The following TAF3 variants were observed in gnomAD, a reference collection of about 807,000 sequenced individuals.
TAF3 encodes TATA-box binding protein associated factor 3.
In TAF3, 7 loss-of-function variants were observed where a neutral mutation model predicts 80.6. The ratio of observed to expected loss-of-function variants is 0.09; its 90% CI spans 0.05 to 0.16. TAF3 has a LOEUF of 0.16. TAF3 is among the 10% of genes least tolerant of loss of function. The pLI is 1.00. For synonymous variants in TAF3, 444 were observed against 446.1 expected, an observed-to-expected ratio of 1.00 and a Z score of 0.06; for missense variants, 921 against 1,140.2, an observed-to-expected ratio of 0.81 and a Z score of 2.77.
At chr10:7,858,846 CTGAA>C (rs34852266) in intron 2 of TAF3, among the ~76,000 whole-genome samples, 7,380 of 152,066 alleles carry the variant, frequency 0.049, 294 homozygotes, top group Admixed American at 0.11. Flanking sequence ...CTGCATGTCA[CTGAA>C]TGTACGTGTG....
rs74678290 is a variant in TAF3, at chr10:7,877,924, A to G, written c.409+53364A>G. Among the ~76,000 whole-genome samples, 1,042 of 152,318 alleles carry G rather than the reference A, an allele frequency of 6.8e-3. 11 individuals carry two copies. The highest frequency in any genetic ancestry group is 0.022 in the African/African-American group (929 of 41,558). ...TTTCTATACTGTAACGGCAATTCAGATCTCAAATACATTGGAGCTAATGTT... is the reference window on the plus strand; with the variant it reads ...TTTCTATACTGTAACGGCAATTCAGGTCTCAAATACATTGGAGCTAATGTT... On this transcript the variant is annotated intron_variant, in intron 2 of 6. Coordinates refer to ENST00000344293, the MANE Select transcript of TAF3 (RefSeq NM_031923.4).
intron 2 of TAF3, among the ~76,000 whole-genome samples, chr10:7,844,378 C>CTTT (rs370650612): frequency 1.5e-3 from 205 of 134,274 alleles, no homozygotes; most frequent in African/African-American, 2.7e-3. Flanking sequence ...TCTTCTTGTT[C>CTTT]TTTTTTTTTT....
At chr10:8,002,482 A>G (rs1831953786) in intron 4 of TAF3, among the ~76,000 whole-genome samples, 1 of 152,206 alleles carries the variant, frequency 6.6e-6, no homozygotes, top group South Asian at 2.1e-4. Flanking sequence ...TTTAATAACC[A>G]TCATGTTAAA....
chr10:7,871,819 A>G (rs1837269587), intron 2 of TAF3, among the ~76,000 whole-genome samples: 1 of 152,186 alleles, frequency 6.6e-6, no homozygotes, highest in Admixed American at 6.6e-5. Context: ...AATGAATTAG[A>G]TTTTAATTTC....
At chr10:8,013,049 A>T (rs924832675) in intron 5 of TAF3, among the ~76,000 whole-genome samples, 1 of 152,210 alleles carries the variant, frequency 6.6e-6, no homozygotes, top group Non-Finnish European at 1.5e-5. Flanking sequence ...AAATAAAGTC[A>T]ACTCTAGAGT....
chr10:7,874,409 CT>C (rs1564353660), intron 2 of TAF3, among the ~76,000 whole-genome samples: 1 of 152,038 alleles, frequency 6.6e-6, no homozygotes, highest in African/African-American at 2.4e-5. Flanking sequence ...TATCTTACCC[CT>C]GGGCTTTCCT....
At chr10:8,000,838 T>G (rs1831937118) in intron 4 of TAF3, among the ~76,000 whole-genome samples, 1 of 152,152 alleles carries the variant, frequency 6.6e-6, no homozygotes. Flanking sequence ...TTGCTGGACA[T>G]TTTAGTATAT....
intron 2 of TAF3, among the ~76,000 whole-genome samples, chr10:7,870,915 T>C (rs938971669): frequency 6.6e-6 from 1 of 152,192 alleles, no homozygotes; most frequent in African/African-American, 2.4e-5. Flanking sequence ...AAAAAAATTG[T>C]TTCCTATAAA....
chr10:7,829,522 A>G (rs1836777519), intron 2 of TAF3, among the ~76,000 whole-genome samples: 1 of 152,108 alleles, frequency 6.6e-6, no homozygotes, highest in South Asian at 2.1e-4. Context: ...GGTTAGGTAT[A>G]TTGTCGGATG....
chr10:7,950,990 A>G (rs1838076996), intron 2 of TAF3, among the ~76,000 whole-genome samples: 1 of 152,226 alleles, frequency 6.6e-6, no homozygotes, highest in South Asian at 2.1e-4. Flanking sequence ...GTGCACTGGG[A>G]GTTCAATGTT....
intron 2 of TAF3, among the ~76,000 whole-genome samples, chr10:7,850,681 A>AT (rs1358271288): frequency 6.9e-5 from 8 of 116,494 alleles, no homozygotes; most frequent in Admixed American, 2.5e-4. Context: ...TCTCAAAAAA[A>AT]AAAAAATATA....
At position 7,870,654 on chromosome 10, in the gene TAF3, C is replaced by T. The variant is rs1837256338; in HGVS notation, c.409+46094C>T. On this transcript the variant is annotated intron_variant, in intron 2 of 6. Transcript: ENST00000344293. ...CAGACTCCTGACTTGAGTTTTTAGG[C>T]CTTAACGAGCGGCAGAACTCGACAC... 3.3e-5 allele frequency among the ~76,000 whole-genome samples: 5 copies of T among 152,084 alleles called. No homozygotes were observed. The South Asian group carries it at 1.0e-3, about 31-fold the overall frequency.
intron 2 of TAF3, among the ~76,000 whole-genome samples, chr10:7,889,076 A>G (rs943187668): frequency 1.3e-5 from 2 of 152,020 alleles, no homozygotes; most frequent in African/African-American, 2.4e-5. Flanking sequence ...TCGAATCCAC[A>G]CTTTCAGAAC....
At chr10:7,985,140 A>T (rs912474517) in intron 4 of TAF3, among the ~76,000 whole-genome samples, 3 of 152,222 alleles carry the variant, frequency 2.0e-5, no homozygotes, top group Non-Finnish European at 4.4e-5. Context: ...GTCATTTAGA[A>T]TATGCACAGT....
chr10:7,966,630 C>T (rs989698011), intron 3 of TAF3, among the ~76,000 whole-genome samples: 5 of 152,148 alleles, frequency 3.3e-5, no homozygotes, highest in African/African-American at 1.2e-4. Context: ...TGATCCTTTC[C>T]CTGCCCTCTA....
At chr10:7,999,806 T>A (rs900994881) in intron 4 of TAF3, among the ~76,000 whole-genome samples, 1 of 152,208 alleles carries the variant, frequency 6.6e-6, no homozygotes, top group Non-Finnish European at 1.5e-5. Context: ...GGAGGTTTTC[T>A]CTTCCCCCTC....
In TAF3 at chr10:7,957,789, A is replaced by AGT. The variant is rs1554785365; in HGVS notation, c.410-6130_410-6129insTG. 6.3e-5 allele frequency among the ~76,000 whole-genome samples: 7 copies of AGT among 111,904 alleles called. No homozygotes were observed. The East Asian group carries it at 2.3e-3, about 37-fold the overall frequency. The allele number at this position is 111,904 out of a possible 152,430, so 73.4% of individuals were successfully genotyped here. ...ATGCTGTCTGTCTCACGCTCTCTCT[A>AGT]GCGCGCTCTCTCTCTCTCTCTCTCT... is the stretch of plus-strand genomic sequence containing the variant. On this transcript the variant is annotated intron_variant, in intron 2 of 6. Transcript: ENST00000344293.
At chr10:7,819,249 T>C (rs966567944) in intron 1 of TAF3, among the ~76,000 whole-genome samples, 5 of 152,100 alleles carry the variant, frequency 3.3e-5, no homozygotes, top group African/African-American at 1.2e-4. Context: ...TTTTCTCCCT[T>C]GCCCGCAAAC....
intron 2 of TAF3, among the ~76,000 whole-genome samples, chr10:7,902,526 GA>G (rs1425999085): frequency 2.0e-5 from 3 of 152,262 alleles, no homozygotes; most frequent in African/African-American, 7.2e-5. Context: ...AAACTCAGGG[GA>G]AAAACGTTTC....
Sources: allele counts gnomAD v4.1 joint callset (sites outside exome capture counted in the v4.1 genomes callset), GRCh38; gene constraint gnomAD v4.1.1; transcripts MANE v1.5; gene names NCBI Gene and HGNC (gene_info 2026-07-23, HGNC 2026-07-21).